Variants in PDE4D observed in about 807,000 individuals in gnomAD.
PDE4D encodes the protein 3',5'-cyclic-AMP phosphodiesterase 4D.
Under a neutral mutation model 87.4 loss-of-function variants are expected in PDE4D, and 24 were observed. The ratio of observed to expected loss-of-function variants is 0.27; its 90% CI spans 0.20 to 0.39. The LOEUF (loss-of-function observed/expected upper bound fraction) is 0.39. Among genes scored for constraint, PDE4D ranks in the 10% least tolerant of loss-of-function variants. PDE4D has a pLI of 1.00. For missense variants in PDE4D, 714 were observed against 1,041.0 expected (o/e 0.69, Z 4.32); for synonymous variants, 384 against 383.2 (o/e 1.00, Z -0.02).
chr5:59,772,465 CT>C (rs1397941680), intron 1 of PDE4D, among the ~76,000 whole-genome samples: 1 of 152,198 alleles, frequency 6.6e-6, no homozygotes, highest in African/African-American at 2.4e-5. Flanking sequence ...CTAGATACCT[CT>C]TTGTGGATTT....
intron 3 of PDE4D, among the ~76,000 whole-genome samples, chr5:59,917,354 C>A (rs2152775589): frequency 6.6e-6 from 1 of 152,138 alleles, no homozygotes; most frequent in South Asian, 2.1e-4. Context: ...CAATGGGGAA[C>A]AAACCAGAGA....
intron 1 of PDE4D, among the ~76,000 whole-genome samples, chr5:59,444,013 C>T (rs888326463): frequency 3.3e-5 from 5 of 152,120 alleles, no homozygotes; most frequent in African/African-American, 9.7e-5. Context: ...AAACATTAAA[C>T]TATTGAGATC....
At chr5:59,213,514 T>G (rs1399971576) in intron 2 of PDE4D, among the ~76,000 whole-genome samples, 1 of 152,142 alleles carries the variant, frequency 6.6e-6, no homozygotes, top group East Asian at 1.9e-4. Flanking sequence ...CCTTGAATTT[T>G]TAGTCTCTTT....
Position 59,546,198 on chromosome 5 carries a change from T to A in PDE4D, c.456-330230A>T, listed in dbSNP as rs138752127. Among the ~76,000 whole-genome samples the A allele has an allele frequency of 5.5e-3, 838 of 152,222 alleles. 4 individuals are homozygous for A. The highest frequency in any genetic ancestry group is 8.7e-3 in the Non-Finnish European group (592 of 67,998). On this transcript the variant is annotated intron_variant, in intron 1 of 14. Coordinates refer to ENST00000340635, the MANE Select transcript of PDE4D (RefSeq NM_001104631.2). ...TAGGAGCTCATAGAAATGTTAAATC[T>A]CTTTTAAAATCTGAAAAAATGAGTA...
In PDE4D at chr5:60,202,259, C is replaced by T. The variant is rs978210410; in HGVS notation, c.-89-16572G>A. On this transcript the variant is annotated intron_variant, in intron 1 of 16. Transcript: ENST00000502484. ...GGTGCAATCAAACCTGTTGCCTGGG[C>T]TCAAGTGATCCTCCCACCTCAGCCT... 7.2e-5 allele frequency among the ~76,000 whole-genome samples: 11 copies of T among 152,192 alleles called. No individual in the cohort carries two copies. The South Asian group carries it at 2.3e-3, about 32-fold the overall frequency.
chr5:60,495,713 G>A (rs1749778650), intron 1 of PDE4D, among the ~76,000 whole-genome samples: 1 of 152,220 alleles, frequency 6.6e-6, no homozygotes, highest in Non-Finnish European at 1.5e-5. Flanking sequence ...AGTGCAGGAA[G>A]AGAAATAAGA....
At chr5:59,020,741 G>C (rs1295776754) in intron 6 of PDE4D, among the ~76,000 whole-genome samples, 1 of 151,908 alleles carries the variant, frequency 6.6e-6, no homozygotes, top group Non-Finnish European at 1.5e-5. Flanking sequence ...TCTGTAAAGT[G>C]GCTGACAGCA....
At chr5:60,501,594 T>G (rs1162298202) in intron 1 of PDE4D, among the ~76,000 whole-genome samples, 1 of 151,680 alleles carries the variant, frequency 6.6e-6, no homozygotes, top group Non-Finnish European at 1.5e-5. Flanking sequence ...CCACAATGGT[T>G]GAACTGGTTT....
chr5:59,551,074 G>T (rs1022303495), intron 1 of PDE4D, among the ~76,000 whole-genome samples: 3 of 151,842 alleles, frequency 2.0e-5, no homozygotes, highest in African/African-American at 7.3e-5. Context: ...CTTTTCATTT[G>T]CCTTTACGTT....
At chr5:60,044,606 T>G (rs566331182) in intron 2 of PDE4D, among the ~76,000 whole-genome samples, 2 of 151,064 alleles carry the variant, frequency 1.3e-5, no homozygotes, top group African/African-American at 4.8e-5. Flanking sequence ...TGAGTGAGAA[T>G]ATGCGGTGTT....
intron 1 of PDE4D, among the ~76,000 whole-genome samples, chr5:59,377,517 C>T (rs184797110): frequency 4.0e-4 from 60 of 151,800 alleles, no homozygotes; most frequent in Non-Finnish European, 7.8e-4. Context: ...AGAGCTCTTG[C>T]ACAGGAAAGG....
rs370135750 is a variant in PDE4D, at chr5:59,538,849, CAT to C, written c.456-322883_456-322882del. ...GTCCTCTCTGCACCCTAAACTCCAC[CAT>C]ATGCACATTCAGTAATGTGGTAATG... is the stretch of plus-strand genomic sequence containing the variant. On this transcript the variant is annotated intron_variant, in intron 1 of 14. Transcript: ENST00000340635. Among the ~76,000 whole-genome samples the C allele has an allele frequency of 9.8e-5, 15 of 152,298 alleles. No homozygotes were observed. In the East Asian group the frequency reaches 1.5e-3, roughly 16 times the overall value.
intron 2 of PDE4D, among the ~76,000 whole-genome samples, chr5:60,060,624 A>C (rs1771288382): frequency 6.6e-6 from 1 of 152,060 alleles, no homozygotes; most frequent in African/African-American, 2.4e-5. Context: ...TACAGCAAAT[A>C]ATTCCTAGGT....
At chr5:58,977,003 A>AACTGCT (rs1277699588) in intron 12 of PDE4D, among the ~76,000 whole-genome samples, 188 bp downstream of exon 12, 1 of 152,126 alleles carries the variant, frequency 6.6e-6, no homozygotes, top group East Asian at 1.9e-4. Flanking sequence ...CTCAAGTCCA[A>AACTGCT]ACTGCTAGAA....
chr5:59,078,002 T>C (rs1262963442), intron 5 of PDE4D, among the ~76,000 whole-genome samples: 1 of 152,200 alleles, frequency 6.6e-6, no homozygotes, highest in African/African-American at 2.4e-5. Context: ...TCTGGTCAAA[T>C]TTGGTGAATA....
At chr5:59,943,221 TTA>T (rs1356142978) in intron 3 of PDE4D, among the ~76,000 whole-genome samples, 2 of 152,098 alleles carry the variant, frequency 1.3e-5, no homozygotes, top group East Asian at 3.9e-4. Flanking sequence ...CCTTTTTTTT[TTA>T]CAGATGAGGA....
At chr5:59,224,089 C>A (rs1753150651) in intron 1 of PDE4D, among the ~76,000 whole-genome samples, 1 of 133,628 alleles carries the variant, frequency 7.5e-6, no homozygotes, top group Non-Finnish European at 1.5e-5. Context: ...AGTTCAAGAC[C>A]AGCCTGGGCA....
intron 1 of PDE4D, among the ~76,000 whole-genome samples, chr5:60,443,138 G>A (rs1745373959): frequency 6.6e-6 from 1 of 152,124 alleles, no homozygotes; most frequent in Non-Finnish European, 1.5e-5. Flanking sequence ...ATGGTTTCAA[G>A]TGTTATCAAG....
At chr5:59,966,441 G>A (rs1250988938) in intron 3 of PDE4D, among the ~76,000 whole-genome samples, 1 of 152,056 alleles carries the variant, frequency 6.6e-6, no homozygotes, top group African/African-American at 2.4e-5. Flanking sequence ...AGGTGTATAG[G>A]CCTATGTCAT....
Sources: gnomAD v4.1 joint callset for allele counts (sites outside exome capture counted in the v4.1 genomes callset) on GRCh38, gnomAD v4.1.1 for gene constraint, MANE v1.5 for transcripts, NCBI Gene and HGNC (gene_info 2026-07-23, HGNC 2026-07-21) for gene names.